Variants in ARHGEF4 observed in about 807,000 individuals in gnomAD.
ARHGEF4 encodes Rho guanine nucleotide exchange factor 4, also known as APC-stimulated guanine nucleotide exchange factor 1.
ARHGEF4 carries 119 observed loss-of-function variants against 162.0 expected under a neutral mutation model. That is an observed-to-expected ratio of 0.73 (90% confidence interval 0.63 to 0.86). The LOEUF is 0.86. Ranked by LOEUF, ARHGEF4 falls within the 40% of genes least tolerant of loss-of-function variation. The pLI, the probability that ARHGEF4 is intolerant of heterozygous loss-of-function variation, is 0.00. For missense variants in ARHGEF4, 2,488 were observed against 2,456.0 expected, an observed-to-expected ratio of 1.01 and a Z score of -0.28; for synonymous variants, 1,014 against 979.9, an observed-to-expected ratio of 1.03 and a Z score of -0.65.
chr2:130,962,672 C>A (rs1047850614), intron 4 of ARHGEF4, among the ~76,000 whole-genome samples: 1 of 152,078 alleles, frequency 6.6e-6, no homozygotes, highest in East Asian at 1.9e-4. Flanking sequence ...TTTCTAGCAC[C>A]CACCCTATAC....
rs1690706449 is a variant in ARHGEF4 at position 131,040,365 on chromosome 2, C to T, written c.4587C>T (p.Phe1529=). The part of the protein sequence containing the change: ...IEDIYRCQKA[F]VKALEQRFNR... ...ACATCTACCGCTGCCAGAAGGCCTTCGTGAAGGCCCTGGAGCAGAGGTTCA... is the reference window on the plus strand; with the variant it reads ...ACATCTACCGCTGCCAGAAGGCCTTTGTGAAGGCCCTGGAGCAGAGGTTCA... Residue 1529 remains phenylalanine, a synonymous_variant, in exon 8 of 14, where the codon TTC becomes TTT. Coordinates refer to ENST00000409359, the MANE Select transcript of ARHGEF4 (RefSeq NM_001367493.1). 1 of 1,611,026 alleles carries T rather than the reference C, an allele frequency of 6.2e-7. No homozygotes were observed. The highest frequency in any genetic ancestry group is 8.5e-7 in the Non-Finnish European group (1 of 1,179,148).
chr2:130,864,562 G>A (rs1682131731), intron 1 of ARHGEF4, among the ~76,000 whole-genome samples: 1 of 152,082 alleles, frequency 6.6e-6, no homozygotes. Context: ...CTTCTCTACT[G>A]AAATACAAAA....
intron 2 of ARHGEF4, among the ~76,000 whole-genome samples, chr2:130,930,620 C>T (rs1682573604): frequency 6.6e-6 from 1 of 152,110 alleles, no homozygotes; most frequent in Non-Finnish European, 1.5e-5. Flanking sequence ...ACTTTTACCC[C>T]AGTTGCTGGC....
chr2:131,035,806 T>A (rs1690234453), intron 5 of ARHGEF4: 2 of 985,138 alleles, frequency 2.0e-6, no homozygotes. Flanking sequence ...AAACTGCGGG[T>A]GTTCACAGCT....
chr2:130,912,693 T>C (rs1681261433), intron 1 of ARHGEF4, among the ~76,000 whole-genome samples: 1 of 151,966 alleles, frequency 6.6e-6, no homozygotes, highest in Admixed American at 6.6e-5. Flanking sequence ...TGGGGGAGCT[T>C]TGGGGAGTTT....
At chr2:131,035,441 T>C in intron 5 of ARHGEF4, 1 of 442,958 alleles carries the variant, frequency 2.3e-6, no homozygotes, top group Non-Finnish European at 3.2e-6. Context: ...TGGTGGCACG[T>C]GTGTCACAGG....
At chr2:130,882,615 C>A (rs1412844077) in intron 1 of ARHGEF4, among the ~76,000 whole-genome samples, 7 of 152,132 alleles carry the variant, frequency 4.6e-5, no homozygotes, top group African/African-American at 1.7e-4. Context: ...AGGACAGAGG[C>A]CTTCAGTCCT....
At position 130,909,374 on chromosome 2, in the gene ARHGEF4, G is replaced by A. The variant is rs115459746; in HGVS notation, c.40-4612G>A. Reference sequence around the variant, plus strand: ...TTCCTGTCACATGCAACAAAACATGGGTGCATTTCAAAATAATCATGCTAA... The same window carrying A: ...TTCCTGTCACATGCAACAAAACATGAGTGCATTTCAAAATAATCATGCTAA... On this transcript the variant is annotated intron_variant, in intron 1 of 13. Coordinates refer to ENST00000409359, the MANE Select transcript of ARHGEF4 (RefSeq NM_001367493.1). Among the ~76,000 whole-genome samples, 862 of 152,234 alleles carry A rather than the reference G, an allele frequency of 5.7e-3. 8 individuals carry two copies. Among genetic ancestry groups the A allele is most frequent in the African/African-American group, 0.02 (839 of 41,536 alleles).
At chr2:130,864,948 A>G (rs1214865331) in intron 1 of ARHGEF4, among the ~76,000 whole-genome samples, 1 of 152,220 alleles carries the variant, frequency 6.6e-6, no homozygotes, top group Admixed American at 6.5e-5. Flanking sequence ...ATGGAGACGC[A>G]CATGGCTGTG....
rs539210955 is a variant in ARHGEF4 at position 131,041,259 on chromosome 2, C to T, written c.4692C>T (p.Tyr1564=). The part of the protein sequence containing the change: ...HQADFQIYSE[Y]CNNHPNACVE... ...CCGACTTCCAGATCTACTCGGAGTACTGCAATAACCACCCCAACGCCTGCG... is the reference window on the plus strand; with the variant it reads ...CCGACTTCCAGATCTACTCGGAGTATTGCAATAACCACCCCAACGCCTGCG... The change falls in exon 9 of 14, where the codon TAC becomes TAT. Residue 1564 remains tyrosine, a synonymous_variant. Transcript: ENST00000409359. 6.1e-5 allele frequency: 98 copies of T among 1,613,882 alleles called. 1 individual carries two copies. Among genetic ancestry groups the T allele is most frequent in the East Asian group, 3.6e-4 (16 of 44,878 alleles).
chr2:130,881,037 T>C (rs1679155029), intron 1 of ARHGEF4, among the ~76,000 whole-genome samples: 1 of 152,180 alleles, frequency 6.6e-6, no homozygotes, highest in African/African-American at 2.4e-5. Flanking sequence ...ATTTTTGTTG[T>C]TGTTGTTGTT....
Position 130,836,917 on chromosome 2 carries a change from G to C in ARHGEF4, c.-37G>C. ...AGCCGGCTCGGCGGCGCGGCTCGTA[G>C]TGCTGCGGCCGGGCTCCGGGCGTCC... On this transcript the variant is annotated 5_prime_UTR_variant, in exon 1 of 14. Coordinates refer to ENST00000409359, the MANE Select transcript of ARHGEF4 (RefSeq NM_001367493.1). 3 of 1,221,446 alleles carry C rather than the reference G, an allele frequency of 2.5e-6. No individual in the cohort carries two copies. Among genetic ancestry groups the C allele is most frequent in the Non-Finnish European group, 3.1e-6 (3 of 981,298 alleles). The allele number at this position is 1,221,446 out of a possible 1,614,324, so 75.7% of individuals were successfully genotyped here.
At chr2:130,996,337 G>A (rs1350649539) in intron 4 of ARHGEF4, among the ~76,000 whole-genome samples, 6 of 152,170 alleles carry the variant, frequency 3.9e-5, no homozygotes, top group African/African-American at 1.2e-4. Context: ...TAGCCGTCTC[G>A]TGTCTTGAAG....
chr2:130,954,644 A>G (rs569905202), intron 4 of ARHGEF4, among the ~76,000 whole-genome samples: 10 of 152,336 alleles, frequency 6.6e-5, no homozygotes, highest in Non-Finnish European at 1.3e-4. Flanking sequence ...TAAGAAATCA[A>G]TTGTTAATCA....
At chr2:130,879,174 G>A (rs910501519) in intron 1 of ARHGEF4, among the ~76,000 whole-genome samples, 1 of 152,160 alleles carries the variant, frequency 6.6e-6, no homozygotes, top group Admixed American at 6.6e-5. Context: ...GGTTGCTTAG[G>A]GACACTAACT....
chr2:130,982,013 T>G (rs1315623836), intron 4 of ARHGEF4, among the ~76,000 whole-genome samples: 1 of 152,182 alleles, frequency 6.6e-6, no homozygotes, highest in Non-Finnish European at 1.5e-5. Flanking sequence ...ATACATTTTT[T>G]TTTGAGATGG....
chr2:130,989,250 C>G (rs975894245), intron 4 of ARHGEF4, among the ~76,000 whole-genome samples: 1 of 152,086 alleles, frequency 6.6e-6, no homozygotes, highest in Non-Finnish European at 1.5e-5. Context: ...CGTGAGCCAC[C>G]GCACCCAGCC....
In ARHGEF4 at chr2:130,914,802, TCCCAGC is replaced by T; in HGVS notation, c.861_866del (p.Gln287_Pro288del). 6.9e-7 allele frequency: 1 copy of T among 1,447,624 alleles called. No homozygotes were observed. The highest frequency in any genetic ancestry group is 1.4e-5 in the African/African-American group (1 of 69,924). 89.7% of individuals were successfully genotyped at this position (1,447,624 alleles called of 1,614,324 possible). A position where few individuals can be genotyped will look rare whatever the true frequency, so the allele number is the denominator to read the frequency against. On this transcript the variant is annotated inframe_deletion, in exon 2 of 14. Coordinates refer to ENST00000409359, the MANE Select transcript of ARHGEF4 (RefSeq NM_001367493.1). ...TGCAGGGGACACAGAATTGCTCTGG[TCCCAGC>T]CCCACTCGGATGTCCCCTGCCAGCC...
intron 4 of ARHGEF4, chr2:131,011,621 C>G: frequency 6.5e-7 from 1 of 1,530,634 alleles, no homozygotes; most frequent in Non-Finnish European, 8.7e-7. Flanking sequence ...TTCCTGGTAG[C>G]TTCTCTCAAA....
Sources: gnomAD v4.1 joint callset for allele counts (sites outside exome capture counted in the v4.1 genomes callset) on GRCh38, gnomAD v4.1.1 for gene constraint, MANE v1.5 for transcripts, NCBI Gene and HGNC (gene_info 2026-07-23, HGNC 2026-07-21) for gene names.